PIKFYVE: variants seen among roughly 807,000 people sequenced by gnomAD.
The protein encoded by PIKFYVE is phosphoinositide kinase, FYVE-type zinc finger containing, also known as 1-phosphatidylinositol 3-phosphate 5-kinase.
In PIKFYVE, 122 loss-of-function variants were observed where a neutral mutation model predicts 257.9. The observed-to-expected ratio is 0.47, with a 90% confidence interval of 0.41 to 0.55. The LOEUF (loss-of-function observed/expected upper bound fraction) is 0.55. Among genes scored for constraint, PIKFYVE ranks in the 20% least tolerant of loss-of-function variants. The pLI is 0.00. For synonymous variants in PIKFYVE, 892 were observed against 868.9 expected, an observed-to-expected ratio of 1.03 and a Z score of -0.47; for missense variants, 2,160 against 2,536.6, an observed-to-expected ratio of 0.85 and a Z score of 3.19.
intron 23 of PIKFYVE, 77 bp downstream of exon 23, chr2:208,330,771 TTTCC>T (rs1289013247): frequency 6.2e-6 from 4 of 644,800 alleles, no homozygotes; most frequent in Non-Finnish European, 1.0e-5. Context: ...CCTGAGGAGG[TTTCC>T]TATATGGTAC....
chr2:208,335,878 G>C lies in PIKFYVE; in HGVS notation c.4342G>C (p.Glu1448Gln), dbSNP rs1301220050. The C allele has an allele frequency of 6.2e-7, 1 of 1,611,358 alleles. No individual in the cohort carries two copies. The highest frequency in any genetic ancestry group is 8.5e-7 in the Non-Finnish European group (1 of 1,178,028). ...TAGTAAAACAAGAGAGGAAAAAATG[G>C]AAGATATTTTTGCACAGAAAGAGGT... The part of the protein sequence containing the change: ...TFSKTREEKM[E>Q]DIFAQKEMEE... Residue 1448 changes from glutamate to glutamine, a missense_variant, in exon 26 of 42, where the codon GAA (glutamate) becomes CAA (glutamine). By Grantham distance (29) the Glu-to-Gln change is conservative. This residue lies in a region of PIKFYVE where 699 missense variants were observed against 855.8 expected (regional missense o/e 0.82). Coordinates refer to ENST00000264380, the MANE Select transcript of PIKFYVE (RefSeq NM_015040.4).
intron 1 of PIKFYVE, chr2:208,269,462 G>T: frequency 3.9e-6 from 1 of 254,356 alleles, no homozygotes; most frequent in Non-Finnish European, 8.2e-6. Flanking sequence ...ACTTGTCTGA[G>T]CTCTGCTCCC....
intron 28 of PIKFYVE, 104 bp from the exon 29 acceptor site, chr2:208,338,404 A>C: frequency 1.0e-6 from 1 of 955,642 alleles, no homozygotes. Flanking sequence ...TTAACGGTAT[A>C]AATGGGTCCT....
At chr2:208,310,944 G>C (rs1286929832) in intron 12 of PIKFYVE, among the ~76,000 whole-genome samples, 5 of 152,090 alleles carry the variant, frequency 3.3e-5, no homozygotes, top group Non-Finnish European at 5.9e-5. Flanking sequence ...TAATTTTGTG[G>C]CTATAGAGAA....
chr2:208,292,995 T>A (rs773677268), intron 7 of PIKFYVE, among the ~76,000 whole-genome samples: 1 of 152,140 alleles, frequency 6.6e-6, no homozygotes, highest in Non-Finnish European at 1.5e-5. Flanking sequence ...TGTTTTTGTC[T>A]TCTGTACCTT....
Position 208,324,984 on chromosome 2 carries a change from C to T in PIKFYVE, c.2405C>T (p.Pro802Leu), listed in dbSNP as rs1197052596. 3.1e-6 allele frequency: 5 copies of T among 1,614,048 alleles called. No individual in the cohort carries two copies. The highest frequency in any genetic ancestry group is 4.2e-6 in the Non-Finnish European group (5 of 1,179,950). Residue 802 changes from proline (P) to leucine (L), a missense_variant, in exon 19 of 42, where the codon CCA becomes CTA. Physicochemically the swap from Pro to Leu is moderately conservative, Grantham distance 98. Transcript: ENST00000264380. Reference sequence around the variant, plus strand: ...TCAATGGACCAGCTGCTTACGAAACCACACCTGGGCACTTGTCACAAATTT... The same window carrying T: ...TCAATGGACCAGCTGCTTACGAAACTACACCTGGGCACTTGTCACAAATTT... ...VMSMDQLLTK[P>L]HLGTCHKFYM...
intron 7 of PIKFYVE, among the ~76,000 whole-genome samples, chr2:208,292,770 C>G (rs957495617): frequency 6.6e-6 from 1 of 151,606 alleles, no homozygotes; most frequent in African/African-American, 2.4e-5. Flanking sequence ...GACATTTTGA[C>G]CCTTCACTTA....
chr2:208,337,433 T>C (rs7597029), intron 28 of PIKFYVE, among the ~76,000 whole-genome samples: 9,053 of 152,124 alleles, frequency 0.06, 361 homozygotes, highest in Middle Eastern at 0.1. Flanking sequence ...TATATCTATA[T>C]AGATATTTAT....
intron 7 of PIKFYVE, among the ~76,000 whole-genome samples, chr2:208,291,135 G>T (rs1396192695): frequency 6.6e-6 from 1 of 152,072 alleles, no homozygotes; most frequent in Non-Finnish European, 1.5e-5. Flanking sequence ...GCTGTATGTT[G>T]TTTTTCGTAG....
chr2:208,278,454 C>T (rs116659672), intron 5 of PIKFYVE, among the ~76,000 whole-genome samples: 173 of 151,280 alleles, frequency 1.1e-3, no homozygotes, highest in African/African-American at 3.9e-3. Flanking sequence ...ATGTTTGTTA[C>T]AGGGGTATAT....
At chr2:208,353,156 C>T (rs1232734205) in intron 39 of PIKFYVE, among the ~76,000 whole-genome samples, 6 of 152,148 alleles carry the variant, frequency 3.9e-5, no homozygotes. Context: ...CAGTACTGTT[C>T]AAAGAGCTAG....
chr2:208,347,875 A>T lies in PIKFYVE; in HGVS notation c.5226A>T (p.Gly1742=). The stretch of plus-strand genomic sequence containing the variant: ...TATTTTTAGCCAAAAAGGCTTCTGG[A>T]ATGTTGTCCTTCTTCAGAGGGACAG... ...TEPQPTKKAS[G]MLSFFRGTAG... is the part of the protein sequence containing the mutation. The change falls in exon 35 of 42, where the codon GGA becomes GGT. Residue 1742 remains glycine, a synonymous_variant. Transcript: ENST00000264380. 1.2e-6 allele frequency: 2 copies of T among 1,613,404 alleles called. No individual in the cohort carries two copies. The highest frequency in any genetic ancestry group is 1.7e-6 in the Non-Finnish European group (2 of 1,179,660).
At chr2:208,285,493 C>G (rs1691449171) in intron 5 of PIKFYVE, among the ~76,000 whole-genome samples, 1 of 151,774 alleles carries the variant, frequency 6.6e-6, no homozygotes, top group South Asian at 2.1e-4. Flanking sequence ...CTTTTAACTT[C>G]TAACTTTTGA....
chr2:208,276,956 C>G, intron 4 of PIKFYVE, 126 bp downstream of exon 4: 2 of 694,716 alleles, frequency 2.9e-6, no homozygotes, highest in Middle Eastern at 5.1e-4. Flanking sequence ...TGTGAGCACC[C>G]TATTTTTATA....
intron 5 of PIKFYVE, among the ~76,000 whole-genome samples, chr2:208,283,455 A>AT (rs1191077172): frequency 6.6e-6 from 1 of 152,166 alleles, no homozygotes; most frequent in Admixed American, 6.5e-5. Context: ...CTGTTTATTG[A>AT]TTTTACAATT....
At chr2:208,333,728 A>T (rs906170176) in intron 24 of PIKFYVE, among the ~76,000 whole-genome samples, 1 of 152,202 alleles carries the variant, frequency 6.6e-6, no homozygotes, top group African/African-American at 2.4e-5. Flanking sequence ...ATTCACTTAC[A>T]GAGCTCTCAA....
At chr2:208,352,503 C>A in intron 38 of PIKFYVE, 151 bp from the exon 39 acceptor site, 1 of 759,770 alleles carries the variant, frequency 1.3e-6, no homozygotes, top group South Asian at 1.8e-5. Context: ...GTACTCACTT[C>A]TGAGATTCAA....
At chr2:208,330,459 T>C in intron 22 of PIKFYVE, 64 bp from the exon 23 acceptor site, 2 of 1,595,176 alleles carry the variant, frequency 1.3e-6, no homozygotes, top group Non-Finnish European at 1.7e-6. Context: ...CATGCTGCAC[T>C]TTGACAGTGG....
intron 1 of PIKFYVE, among the ~76,000 whole-genome samples, chr2:208,268,421 CT>C (rs1485584210): frequency 4.0e-5 from 5 of 123,522 alleles, no homozygotes; most frequent in Non-Finnish European, 8.1e-5. Context: ...CTCTCCAGAG[CT>C]CTTTTTTTTT....
Sources: gnomAD v4.1 joint callset for allele counts (sites outside exome capture counted in the v4.1 genomes callset) on GRCh38, gnomAD v4.1.1 for gene constraint, gnomAD v4.1.1 regional missense constraint, MANE v1.5 for transcripts, NCBI Gene and HGNC (gene_info 2026-07-23, HGNC 2026-07-21) for gene names.